PKD1L1: variants seen among roughly 807,000 people sequenced by gnomAD.
PKD1L1 encodes polycystin-1-like protein 1.
Under a neutral mutation model 323.4 loss-of-function variants are expected in PKD1L1, and 236 were observed. The ratio of observed to expected loss-of-function variants is 0.73; its 90% CI spans 0.66 to 0.81. PKD1L1 has a LOEUF of 0.81. Among genes scored for constraint, PKD1L1 ranks in the 40% least tolerant of loss-of-function variants. The pLI, the probability that PKD1L1 is intolerant of heterozygous loss-of-function variation, is 0.00. For synonymous variants in PKD1L1, 1,344 were observed against 1,335.0 expected (o/e 1.01, Z -0.15); for missense variants, 3,320 against 3,508.0 (o/e 0.95, Z 1.35).
rs1336885829 is a variant in PKD1L1 at position 47,853,109 on chromosome 7, G to A, written c.4960+18C>T. On this transcript the variant is annotated intron_variant, in intron 31 of 56. Transcript: ENST00000289672. ...TCATGTAAACAGAAAGGGAAAATAA[G>A]GCGCCCTGTTCACTGACCTTTCTGA... 1 of 1,539,024 alleles carries A rather than the reference G, an allele frequency of 6.5e-7. No individual in the cohort carries two copies. Among genetic ancestry groups the A allele is most frequent in the East Asian group, 2.2e-5 (1 of 44,466 alleles).
At chr7:47,787,805 G>T (rs1786845770) in intron 56 of PKD1L1, among the ~76,000 whole-genome samples, 1 of 152,060 alleles carries the variant, frequency 6.6e-6, no homozygotes, top group Admixed American at 6.6e-5. Flanking sequence ...TTGACCTCCT[G>T]AGCTCAAGTG....
At chr7:47,913,572 C>T (rs1440299452) in intron 8 of PKD1L1, among the ~76,000 whole-genome samples, 1 of 152,066 alleles carries the variant, frequency 6.6e-6, no homozygotes, top group East Asian at 1.9e-4. Flanking sequence ...CTCATGAGAT[C>T]TGGTCTTTTA....
At chr7:47,896,791 A>T (rs1786945871) in intron 14 of PKD1L1, among the ~76,000 whole-genome samples, 1 of 152,006 alleles carries the variant, frequency 6.6e-6, no homozygotes, top group Admixed American at 6.6e-5. Context: ...ATCAGGTCAG[A>T]TGCTCCCCAC....
chr7:47,893,834 G>A (rs1418667241), intron 15 of PKD1L1, 44 bp downstream of exon 15: 5 of 1,579,528 alleles, frequency 3.2e-6, no homozygotes, highest in African/African-American at 2.7e-5. Context: ...TGCAGAATGC[G>A]CGGTCTGAGT....
rs369166928 is a variant in PKD1L1, at chr7:47,835,170, C to T, written c.6017G>A (p.Gly2006Glu). Reference protein sequence around the residue: ...GLLCTLLASPGAQLLSLLFRL... With the variant: ...GLLCTLLASPEAQLLSLLFRL... The stretch of plus-strand genomic sequence containing the variant: ...GAAGAGCAGGGACAAGAGCTGGGCC[C>T]CTGGAGAAGCCAGGAGGGTACACAG... The change falls in exon 38 of 57, where the codon GGG becomes GAG. Residue 2006 changes from glycine (G) to glutamate (E), a missense_variant. Transcript: ENST00000289672. 5 of 1,595,798 alleles carry T rather than the reference C, an allele frequency of 3.1e-6. No individual in the cohort carries two copies. Among genetic ancestry groups the T allele is most frequent in the Non-Finnish European group, 3.4e-6 (4 of 1,172,810 alleles).
intron 3 of PKD1L1, among the ~76,000 whole-genome samples, chr7:47,938,332 C>T (rs571456251): frequency 3.2e-4 from 49 of 152,210 alleles, no homozygotes; most frequent in African/African-American, 8.9e-4. Flanking sequence ...TGAGTGCATA[C>T]GCCTGGCACC....
At chr7:47,786,920 G>C (rs940001313) in intron 56 of PKD1L1, among the ~76,000 whole-genome samples, 5 of 152,150 alleles carry the variant, frequency 3.3e-5, no homozygotes, top group African/African-American at 1.2e-4. Flanking sequence ...GGGAGAAGGT[G>C]GGGGCTGGCA....
At chr7:47,892,666 T>A (rs531430152) in intron 15 of PKD1L1, among the ~76,000 whole-genome samples, 1 of 152,190 alleles carries the variant, frequency 6.6e-6, no homozygotes, top group South Asian at 2.1e-4. Context: ...AATATATCCA[T>A]GTAACAAAAC....
intron 7 of PKD1L1, among the ~76,000 whole-genome samples, chr7:47,921,510 A>T (rs1351385476): frequency 6.6e-6 from 1 of 152,222 alleles, no homozygotes; most frequent in Non-Finnish European, 1.5e-5. Flanking sequence ...CTACCATTTG[A>T]TCCAGCAATC....
In PKD1L1 at chr7:47,916,334, C is replaced by T. The variant is rs150986398; in HGVS notation, c.1061-735G>A. On this transcript the variant is annotated intron_variant, in intron 7 of 56. Coordinates refer to ENST00000289672, the MANE Select transcript of PKD1L1 (RefSeq NM_138295.5). ...CCTTCTGAGTTCTTTCTAGAGTTGACCTATTCATTAAGTGGAACTTGGGTT... is the reference window on the plus strand; with the variant it reads ...CCTTCTGAGTTCTTTCTAGAGTTGATCTATTCATTAAGTGGAACTTGGGTT... Among the ~76,000 whole-genome samples the T allele has an allele frequency of 1.9e-3, 290 of 152,258 alleles. 1 individual carries two copies. The highest frequency in any genetic ancestry group is 6.6e-3 in the African/African-American group (275 of 41,534).
rs1212372888 is a variant in PKD1L1, at chr7:47,813,937, TA to T, written c.7166del (p.Leu2389TyrfsTer31). 2.5e-6 allele frequency: 4 copies of T among 1,613,344 alleles called. No individual in the cohort carries two copies. Among genetic ancestry groups the T allele is most frequent in the Non-Finnish European group, 3.4e-6 (4 of 1,179,398 alleles). On this transcript the variant is annotated frameshift_variant, in exon 48 of 57. Coordinates refer to ENST00000289672, the MANE Select transcript of PKD1L1 (RefSeq NM_138295.5). LOFTEE classifies it high-confidence loss of function. The stretch of plus-strand genomic sequence containing the variant: ...AGGAAAAGGAACATCTTACCTTGCA[TA>T]AATGCCTAGGAAAAACTTTTAGCTG... Reference protein sequence around the residue: ...IRQLKVFPRHLCKPPRPFSAL... With the variant: ...IRQLKVFPRHXCKPPRPFSAL...
chr7:47,879,263 G>C (rs1011578736), intron 21 of PKD1L1, among the ~76,000 whole-genome samples: 3 of 152,172 alleles, frequency 2.0e-5, no homozygotes, highest in African/African-American at 7.2e-5. Context: ...CACAGAGAAT[G>C]CAAGTTTGCA....
At chr7:47,879,418 G>A (rs180861844) in intron 21 of PKD1L1, among the ~76,000 whole-genome samples, 141 of 152,140 alleles carry the variant, frequency 9.3e-4, no homozygotes, top group Non-Finnish European at 1.0e-3. Flanking sequence ...GCTCACTTGA[G>A]GTCATGAGTT....
chr7:47,857,019 G>C (rs1785919710), intron 28 of PKD1L1, among the ~76,000 whole-genome samples: 1 of 152,162 alleles, frequency 6.6e-6, no homozygotes. Context: ...CCAAGTGGCT[G>C]GGACAATCCT....
At chr7:47,864,470 A>G (rs749220883) in intron 26 of PKD1L1, among the ~76,000 whole-genome samples, 2 of 152,152 alleles carry the variant, frequency 1.3e-5, no homozygotes, top group African/African-American at 4.8e-5. Flanking sequence ...ATAAAGAACA[A>G]GCCCCTTGCC....
rs1785131736 is a variant in PKD1L1 at position 47,821,125 on chromosome 7, A to G, written c.6916T>C (p.Ser2306Pro). The G allele has an allele frequency of 6.2e-7, 1 of 1,610,414 alleles. No individual in the cohort carries two copies. Among genetic ancestry groups the G allele is most frequent in the African/African-American group, 1.3e-5 (1 of 74,820 alleles). ...TGATTGAGGGAGTATTCATCTTGGGAAAATCTCCCATATATTACACACAAA... is the reference window on the plus strand; with the variant it reads ...TGATTGAGGGAGTATTCATCTTGGGGAAATCTCCCATATATTACACACAAA... ...LLLCVIYGRF[S>P]QDEYSLNQAI... Residue 2306 changes from serine (S) to proline (P), a missense_variant, in exon 46 of 57, where the codon TCC becomes CCC. By Grantham distance (74) the Ser-to-Pro change is moderately conservative. Coordinates refer to ENST00000289672, the MANE Select transcript of PKD1L1 (RefSeq NM_138295.5).
chr7:47,809,249 AC>A, intron 51 of PKD1L1: 1 of 429,666 alleles, frequency 2.3e-6, no homozygotes, highest in East Asian at 4.0e-5. Flanking sequence ...ATCTTATGGG[AC>A]CACCACCTTG....
upstream of PKD1L1, among the ~76,000 whole-genome samples, chr7:47,952,944 G>T (rs1357186619): frequency 6.6e-6 from 1 of 152,054 alleles, no homozygotes; most frequent in Non-Finnish European, 1.5e-5. Context: ...AAATATCATG[G>T]CTTGATATTT....
chr7:47,834,934 G>T (rs370179560), intron 39 of PKD1L1, 33 bp downstream of exon 39: 1 of 1,585,376 alleles, frequency 6.3e-7, no homozygotes, highest in Non-Finnish European at 8.6e-7. Context: ...TCAGCCCCAC[G>T]GAGAGTTTCT....
Sources: gnomAD v4.1 joint callset for allele counts (sites outside exome capture counted in the v4.1 genomes callset) on GRCh38, gnomAD v4.1.1 for gene constraint, MANE v1.5 for transcripts, NCBI Gene and HGNC (gene_info 2026-07-23, HGNC 2026-07-21) for gene names.